Variants in LINGO2 observed in about 807,000 individuals in gnomAD.
The protein encoded by LINGO2 is leucine rich repeat and Ig domain containing 2.
In LINGO2, 14 loss-of-function variants were observed where a neutral mutation model predicts 30.6. The ratio of observed to expected loss-of-function variants is 0.46; its 90% CI spans 0.30 to 0.72. The LOEUF is 0.72. Ranked by LOEUF, LINGO2 falls within the 30% of genes least tolerant of loss-of-function variation. The pLI, the probability that LINGO2 is intolerant of heterozygous loss-of-function variation, is 0.07. For synonymous variants in LINGO2, 317 were observed against 288.5 expected, an observed-to-expected ratio of 1.10 and a Z score of -1.00; for missense variants, 729 against 751.7, an observed-to-expected ratio of 0.97 and a Z score of 0.35.
chr9:28,996,109 A>G, the LINGO2 span, among the ~76,000 whole-genome samples: 21 of 128,012 alleles, frequency 1.6e-4, no homozygotes, highest in East Asian at 4.8e-3. Context: ...GAAGATTTAT[A>G]TATTGCTTTA....
the LINGO2 span, among the ~76,000 whole-genome samples, chr9:28,770,575 T>C: frequency 6.6e-6 from 1 of 152,206 alleles, no homozygotes; most frequent in Non-Finnish European, 1.5e-5. Flanking sequence ...AATTCTACAC[T>C]GTAGTACTTA....
chr9:28,664,996 C>CATATGTATATATATATATATAT (rs1828738622), intron 1 of LINGO2, among the ~76,000 whole-genome samples: 1 of 96,236 alleles, frequency 1.0e-5, no homozygotes, highest in Non-Finnish European at 2.3e-5. Flanking sequence ...TATGTGTTTA[C>CATATGTATATATATATATATAT]ATATATATAT....
chr9:29,101,785 C>T, the LINGO2 span, among the ~76,000 whole-genome samples: 2 of 152,060 alleles, frequency 1.3e-5, no homozygotes, highest in African/African-American at 2.4e-5. Flanking sequence ...TGTCTATGTG[C>T]CACATTTTCT....
In LINGO2 at chr9:28,037,543, T is replaced by C. The variant is rs75227417; in HGVS notation, c.-86-25138A>G. 5.5e-3 allele frequency among the ~76,000 whole-genome samples: 837 copies of C among 152,352 alleles called. 8 individuals are homozygous for C. The highest frequency in any genetic ancestry group is 0.019 in the African/African-American group (794 of 41,582). On this transcript the variant is annotated intron_variant, in intron 4 of 5. Transcript: ENST00000379992. The stretch of plus-strand genomic sequence containing the variant: ...TTCCTTTGCACTGCCTTGTCTCTTA[T>C]AGGCTTTTTTATTCTTGCTGTTTCA...
chr9:28,789,431 A>C, the LINGO2 span, among the ~76,000 whole-genome samples: 1 of 152,196 alleles, frequency 6.6e-6, no homozygotes, highest in Non-Finnish European at 1.5e-5. Flanking sequence ...TCTTATTAAG[A>C]GATATCACTG....
chr9:28,336,729 C>G (rs1479444962), intron 3 of LINGO2, among the ~76,000 whole-genome samples: 1 of 151,974 alleles, frequency 6.6e-6, no homozygotes, highest in South Asian at 2.1e-4. Context: ...GTATGTGCAT[C>G]TGGGTTTAGA....
chr9:28,104,072 T>A (rs1826497655), intron 4 of LINGO2, among the ~76,000 whole-genome samples: 1 of 152,032 alleles, frequency 6.6e-6, no homozygotes, highest in African/African-American at 2.4e-5. Flanking sequence ...TATAAAATAA[T>A]TCTGCTGGAC....
chr9:28,010,080 G>A (rs1039876126), intron 5 of LINGO2, among the ~76,000 whole-genome samples: 1 of 151,878 alleles, frequency 6.6e-6, no homozygotes. Flanking sequence ...TGCTACAATC[G>A]GGATGAATCT....
intron 1 of LINGO2, among the ~76,000 whole-genome samples, chr9:28,608,033 T>C (rs948183361): frequency 3.9e-5 from 6 of 152,048 alleles, no homozygotes; most frequent in African/African-American, 1.4e-4. Flanking sequence ...TTCCAATTTA[T>C]GATCTAATCT....
the LINGO2 span, among the ~76,000 whole-genome samples, chr9:29,081,451 T>C: frequency 6.6e-6 from 1 of 152,126 alleles, no homozygotes; most frequent in Non-Finnish European, 1.5e-5. Context: ...AAGAGCTATT[T>C]ATGACAAACC....
chr9:28,556,638 A>C lies in LINGO2; in HGVS notation c.-364-80613T>G, dbSNP rs1205506909. Among the ~76,000 whole-genome samples, 23 of 152,190 alleles carry C rather than the reference A, an allele frequency of 1.5e-4. No individual in the cohort carries two copies. In the East Asian group the frequency reaches 4.2e-3, roughly 28 times the overall value. On this transcript the variant is annotated intron_variant, in intron 1 of 5. Coordinates refer to ENST00000379992, the Ensembl canonical transcript of LINGO2. ...CAATGACTTTCTTCACAGAATTGGA[A>C]AAAACTACTTTAAAGTTCATATGGA...
At chr9:27,948,596 T>A (rs1823460607) in exon 6 of LINGO2, 2 of 418,230 alleles carry the variant, frequency 4.8e-6, no homozygotes, top group Non-Finnish European at 8.4e-6. Context: ...TCAGGTTCAT[T>A]ACTGAGATCC....
chr9:28,946,628 T>C, the LINGO2 span, among the ~76,000 whole-genome samples: 1 of 152,094 alleles, frequency 6.6e-6, no homozygotes, highest in South Asian at 2.1e-4. Flanking sequence ...AAACCATACA[T>C]TGAAACCTGG....
chr9:28,076,173 A>G (rs1049814881), intron 4 of LINGO2, among the ~76,000 whole-genome samples: 3 of 152,078 alleles, frequency 2.0e-5, no homozygotes, highest in Admixed American at 2.0e-4. Flanking sequence ...CACAAATTAT[A>G]TTTTCAGAGC....
the LINGO2 span, among the ~76,000 whole-genome samples, chr9:28,990,221 G>T: frequency 1.3e-5 from 2 of 152,212 alleles, no homozygotes; most frequent in East Asian, 1.9e-4. Context: ...CCGGCTCGGA[G>T]GGTCCTACGC....
intron 2 of LINGO2, among the ~76,000 whole-genome samples, chr9:28,423,653 A>G (rs916381224): frequency 1.3e-5 from 2 of 152,102 alleles, no homozygotes; most frequent in Non-Finnish European, 2.9e-5. Context: ...AGCTCTACAT[A>G]TGTATAAAAT....
chr9:28,803,408 T>C, the LINGO2 span, among the ~76,000 whole-genome samples: 1 of 152,064 alleles, frequency 6.6e-6, no homozygotes, highest in South Asian at 2.1e-4. Flanking sequence ...GCAAACAATA[T>C]TTGAAAGCCA....
intron 1 of LINGO2, among the ~76,000 whole-genome samples, chr9:28,650,076 A>C (rs1427980232): frequency 3.3e-5 from 5 of 152,020 alleles, no homozygotes; most frequent in Non-Finnish European, 7.4e-5. Context: ...AGGTAGCTGT[A>C]CTAAAGGTCT....
At chr9:28,294,326 A>C (rs1823848246) in intron 4 of LINGO2, among the ~76,000 whole-genome samples, 1 of 152,194 alleles carries the variant, frequency 6.6e-6, no homozygotes, top group Non-Finnish European at 1.5e-5. Flanking sequence ...GACATAGAAT[A>C]ATCTCCATCC....
Sources: allele counts gnomAD v4.1 joint callset (sites outside exome capture counted in the v4.1 genomes callset), GRCh38; gene constraint gnomAD v4.1.1; transcripts MANE v1.5; gene names NCBI Gene and HGNC (gene_info 2026-07-23, HGNC 2026-07-21).